NFATC3: variants seen among roughly 807,000 people sequenced by gnomAD.
NFATC3 encodes the protein nuclear factor of activated T-cells, cytoplasmic 3.
Under a neutral mutation model 98.6 loss-of-function variants are expected in NFATC3, and 46 were observed. The observed-to-expected ratio is 0.47, with a 90% CI of 0.37 to 0.60. The LOEUF is 0.60. Ranked by LOEUF, NFATC3 falls within the 20% of genes least tolerant of loss-of-function variation. NFATC3 has a pLI of 0.00. For missense variants in NFATC3, 1,256 were observed against 1,295.5 expected (o/e 0.97, Z 0.47); for synonymous variants, 512 against 472.2 (o/e 1.08, Z -1.09).
At chr16:68,105,091 G>GTTT (rs1171881277) in intron 1 of NFATC3, among the ~76,000 whole-genome samples, 4 of 134,648 alleles carry the variant, frequency 3.0e-5, no homozygotes, top group Admixed American at 7.5e-5. Context: ...GACTGTGTGG[G>GTTT]TTTTTTTTTT....
chr16:68,185,008 G>A lies in NFATC3; in HGVS notation c.2098+1642G>A, dbSNP rs1281229041. Among the ~76,000 whole-genome samples the A allele has an allele frequency of 2.0e-5, 3 of 151,062 alleles. No homozygotes were observed. In the East Asian group the frequency reaches 5.9e-4, roughly 30 times the overall value. On this transcript the variant is annotated intron_variant, in intron 8 of 9. Coordinates refer to ENST00000346183, the MANE Select transcript of NFATC3 (RefSeq NM_173165.3). ...ATTTATTTTTTTTTTTTGAGAGAGA[G>A]TCTTACCCTGTTGCTCAGGCTTGAG...
chr16:68,094,031 A>G (rs2034874625), intron 1 of NFATC3, among the ~76,000 whole-genome samples: 1 of 152,222 alleles, frequency 6.6e-6, no homozygotes. Context: ...AGGAAATTTT[A>G]AAGGGTAGCA....
At chr16:68,210,260 T>C (rs2041324783) in intron 9 of NFATC3, among the ~76,000 whole-genome samples, 1 of 148,306 alleles carries the variant, frequency 6.7e-6, no homozygotes, top group Admixed American at 6.8e-5. Context: ...ATCATGCCAC[T>C]GCGCTCCAGC....
At chr16:68,124,431 C>CTT (rs60875488) in intron 2 of NFATC3, among the ~76,000 whole-genome samples, 5 of 130,868 alleles carry the variant, frequency 3.8e-5, no homozygotes, top group African/African-American at 5.8e-5. Context: ...TCTTTTCTTT[C>CTT]TTTTTTTTTT....
At chr16:68,110,156 C>A (rs762262879) in intron 1 of NFATC3, among the ~76,000 whole-genome samples, 1 of 152,076 alleles carries the variant, frequency 6.6e-6, no homozygotes, top group Non-Finnish European at 1.5e-5. Context: ...AGGCACCCAC[C>A]ACCACACTGG....
chr16:68,188,090 T>C (rs1188353596), intron 8 of NFATC3, among the ~76,000 whole-genome samples: 1 of 152,148 alleles, frequency 6.6e-6, no homozygotes, highest in African/African-American at 2.4e-5. Flanking sequence ...GTGTCAGCAC[T>C]GCCCCAAGCA....
chr16:68,102,284 A>T (rs967248284), intron 1 of NFATC3, among the ~76,000 whole-genome samples: 1 of 147,842 alleles, frequency 6.8e-6, no homozygotes, highest in Non-Finnish European at 1.5e-5. Context: ...TGGCAGGAGA[A>T]TCGCTTGAAC....
chr16:68,190,778 G>A lies in NFATC3; in HGVS notation c.2109G>A (p.Lys703=). 6.2e-7 allele frequency: 1 copy of A among 1,600,138 alleles called. No homozygotes were observed. The highest frequency in any genetic ancestry group is 1.7e-5 in the Admixed American group (1 of 58,004). The change falls in exon 9 of 10, where the codon AAG becomes AAA. Residue 703 remains lysine, a synonymous_variant. Transcript: ENST00000346183. The part of the protein sequence containing the change: ...QRFTYTPVLM[K]QEHREEIDLS... ...TCATTTTCTTTTCAGTTTTGATGAA[G>A]CAAGAACACAGAGAAGAGATTGATT... is the stretch of plus-strand genomic sequence containing the variant.
intron 1 of NFATC3, among the ~76,000 whole-genome samples, chr16:68,095,408 A>C (rs946743195): frequency 7.0e-6 from 1 of 142,548 alleles, no homozygotes; most frequent in Non-Finnish European, 1.5e-5. Flanking sequence ...GCTGGAGCAC[A>C]GTGGCACAAT....
intron 8 of NFATC3, among the ~76,000 whole-genome samples, chr16:68,184,686 C>T (rs2040101628): frequency 6.6e-6 from 1 of 151,960 alleles, no homozygotes; most frequent in East Asian, 1.9e-4. Context: ...CGCCTGTAGT[C>T]CCAGCTACTC....
intron 1 of NFATC3, among the ~76,000 whole-genome samples, chr16:68,087,043 A>G (rs757013246): frequency 6.6e-5 from 10 of 152,230 alleles, no homozygotes; most frequent in Non-Finnish European, 1.2e-4. Context: ...TAACTGTACT[A>G]CTAGGAAGTC....
chr16:68,133,449 A>G (rs2037220842), intron 3 of NFATC3, among the ~76,000 whole-genome samples: 2 of 152,212 alleles, frequency 1.3e-5, no homozygotes, highest in Non-Finnish European at 2.9e-5. Context: ...AGAGGAACAA[A>G]TATATCAATA....
At chr16:68,185,862 CAA>C (rs764335192) in intron 8 of NFATC3, among the ~76,000 whole-genome samples, 4 of 49,336 alleles carry the variant, frequency 8.1e-5, no homozygotes, top group African/African-American at 2.0e-4. Context: ...GACTCCGTCT[CAA>C]AAAAAAAAAA....
chr16:68,112,646 GTTTTTTTTTTTTT>G (rs914607835), intron 1 of NFATC3, among the ~76,000 whole-genome samples: 2 of 97,644 alleles, frequency 2.0e-5, no homozygotes, highest in Non-Finnish European at 3.8e-5. Context: ...TTTCTTTTTC[GTTTTTTTTTTTTT>G]TTTTTTTTTT....
At position 68,122,716 on chromosome 16, in the gene NFATC3, G is replaced by A; in HGVS notation, c.833G>A (p.Ser278Asn). Reference protein sequence around the residue: ...TSPCGKRRHSSAEVCYAGSLS... With the variant: ...TSPCGKRRHSNAEVCYAGSLS... ...CCCTGTGGGAAACGGAGGCACTCCA[G>A]TGCTGAAGTTTGTTATGCTGGGTCC... Residue 278 changes from serine (S) to asparagine (N), a missense_variant, in exon 2 of 10, where the codon AGT (serine) becomes AAT (asparagine). Transcript: ENST00000346183. 1 of 1,614,228 alleles carries A rather than the reference G, an allele frequency of 6.2e-7. No individual in the cohort carries two copies. Among genetic ancestry groups the A allele is most frequent in the Non-Finnish European group, 8.5e-7 (1 of 1,180,034 alleles).
At position 68,122,938 on chromosome 16, in the gene NFATC3, C is replaced by T; in HGVS notation, c.1055C>T (p.Pro352Leu). The change falls in exon 2 of 10, where the codon CCA becomes CTA. Residue 352 changes from proline (P) to leucine (L), a missense_variant. By Grantham distance (98) the Pro-to-Leu change is moderately conservative. Transcript: ENST00000346183. ...KTSEDQAAIL[P>L]GKLELCSDDQ... ...TCTGAAGATCAAGCTGCCATACTACCAGGAAAATTAGAGCTGTGTTCAGAT... is the reference window on the plus strand; with the variant it reads ...TCTGAAGATCAAGCTGCCATACTACTAGGAAAATTAGAGCTGTGTTCAGAT... 1 of 1,614,184 alleles carries T rather than the reference C, an allele frequency of 6.2e-7. No homozygotes were observed. The highest frequency in any genetic ancestry group is 8.5e-7 in the Non-Finnish European group (1 of 1,180,028).
At chr16:68,188,018 C>T (rs1210845999) in intron 8 of NFATC3, among the ~76,000 whole-genome samples, 2 of 152,174 alleles carry the variant, frequency 1.3e-5, no homozygotes, top group Non-Finnish European at 2.9e-5. Context: ...CCTACCTCGA[C>T]CTCCCTCCCA....
At chr16:68,219,556 G>C (rs1161749689) in intron 9 of NFATC3, among the ~76,000 whole-genome samples, 1 of 151,982 alleles carries the variant, frequency 6.6e-6, no homozygotes, top group Non-Finnish European at 1.5e-5. Context: ...GGCAGACTAA[G>C]ACACTGTCTC....
intron 3 of NFATC3, chr16:68,138,772 C>G: frequency 7.8e-7 from 1 of 1,275,176 alleles, no homozygotes; most frequent in Non-Finnish European, 1.0e-6. Context: ...TAATATAGAA[C>G]TCTATACTTA....
Sources: gnomAD v4.1 joint callset for allele counts (sites outside exome capture counted in the v4.1 genomes callset) on GRCh38, gnomAD v4.1.1 for gene constraint, MANE v1.5 for transcripts, NCBI Gene and HGNC (gene_info 2026-07-23, HGNC 2026-07-21) for gene names.